TRAPPC10: variants seen among roughly 807,000 people sequenced by gnomAD.
The protein encoded by TRAPPC10 is TRAPP 130 kDa subunit.
TRAPPC10 carries 23 observed loss-of-function variants against 125.5 expected under a neutral mutation model. That is an observed-to-expected ratio of 0.18 (90% CI 0.13 to 0.26). TRAPPC10 has a LOEUF of 0.26. Ranked by LOEUF, TRAPPC10 falls within the 10% of genes least tolerant of loss-of-function variation. The probability of loss-of-function intolerance (pLI) is 1.00; values close to 1 mark genes in which losing one functional copy is unlikely to be tolerated. For missense variants in TRAPPC10, 1,123 were observed against 1,308.4 expected, an observed-to-expected ratio of 0.86 and a Z score of 2.19; for synonymous variants, 509 against 518.0, an observed-to-expected ratio of 0.98 and a Z score of 0.24.
chr21:44,035,788 A>T (rs1416269701), intron 2 of TRAPPC10, among the ~76,000 whole-genome samples: 1 of 152,216 alleles, frequency 6.6e-6, no homozygotes, highest in Non-Finnish European at 1.5e-5. Flanking sequence ...AAAAAATAAA[A>T]TGAAATAAAA....
chr21:44,023,741 A>C (rs1320041604), intron 1 of TRAPPC10, among the ~76,000 whole-genome samples: 1 of 152,222 alleles, frequency 6.6e-6, no homozygotes, highest in Non-Finnish European at 1.5e-5. Context: ...AGGCAGAGCT[A>C]GGAATAGCTA....
At chr21:44,054,606 A>G (rs966771792) in intron 4 of TRAPPC10, among the ~76,000 whole-genome samples, 4 of 152,266 alleles carry the variant, frequency 2.6e-5, no homozygotes, top group Non-Finnish European at 5.9e-5. Flanking sequence ...AGCCTATCAG[A>G]TAAATACGTT....
Position 44,037,882 on chromosome 21 carries a change from T to C in TRAPPC10, c.240T>C (p.Ala80=). The C allele has an allele frequency of 6.2e-7, 1 of 1,614,116 alleles. No homozygotes were observed. Among genetic ancestry groups the C allele is most frequent in the Non-Finnish European group, 8.5e-7 (1 of 1,180,032 alleles). Residue 80 remains alanine, a synonymous_variant, in exon 3 of 23, where the codon GCT becomes GCC. Coordinates refer to ENST00000291574, the MANE Select transcript of TRAPPC10 (RefSeq NM_003274.5). ...EELLPKEGNK[A]LLTFPFLHIY... is the part of the protein sequence containing the mutation. The stretch of plus-strand genomic sequence containing the variant: ...TGCTGCCCAAAGAAGGAAACAAAGC[T>C]CTGCTCACGTTTCCCTTCCTCCATA...
chr21:44,031,318 A>G (rs981237672), intron 1 of TRAPPC10, among the ~76,000 whole-genome samples: 1 of 152,210 alleles, frequency 6.6e-6, no homozygotes, highest in Non-Finnish European at 1.5e-5. Flanking sequence ...TTAGTCATCT[A>G]TATTAAAAGG....
intron 7 of TRAPPC10, among the ~76,000 whole-genome samples, chr21:44,068,533 G>T (rs1025765695): frequency 1.3e-5 from 2 of 152,188 alleles, no homozygotes; most frequent in Non-Finnish European, 2.9e-5. Context: ...GCAGAGAGAG[G>T]TGAAGAGTTT....
intron 12 of TRAPPC10, 55 bp downstream of exon 12, chr21:44,079,759 C>T: frequency 6.4e-7 from 1 of 1,557,650 alleles, no homozygotes; most frequent in Non-Finnish European, 8.7e-7. Context: ...TATACGGCAA[C>T]ATTGCCCACA....
At chr21:44,048,788 C>T (rs1394651085) in intron 3 of TRAPPC10, among the ~76,000 whole-genome samples, 1 of 150,882 alleles carries the variant, frequency 6.6e-6, no homozygotes, top group Non-Finnish European at 1.5e-5. Flanking sequence ...GCCACCATGC[C>T]CACCCTGTGT....
Position 44,063,930 on chromosome 21 carries a change from C to T in TRAPPC10, c.1038+145C>T. 1 of 1,199,388 alleles carries T rather than the reference C, an allele frequency of 8.3e-7. No homozygotes were observed. Among genetic ancestry groups the T allele is most frequent in the Non-Finnish European group, 1.1e-6 (1 of 871,052 alleles). The allele number at this position is 1,199,388 out of a possible 1,614,324, so 74.3% of individuals were successfully genotyped here. A position where few individuals can be genotyped will look rare whatever the true frequency, so the allele number is the denominator to read the frequency against. On this transcript the variant is annotated intron_variant, in intron 7 of 22. Coordinates refer to ENST00000291574, the MANE Select transcript of TRAPPC10 (RefSeq NM_003274.5). The surrounding 1 kb of genome is among the most constrained non-coding windows in gnomAD (Gnocchi z 4.4). ...CCTTTAATTTTCAGTATATTGTTTG[C>T]TTAGTTACTTTTTACGTTGATAAAT... is the stretch of plus-strand genomic sequence containing the variant.
intron 3 of TRAPPC10, 88 bp from the exon 4 acceptor site, chr21:44,052,192 C>G: frequency 8.7e-7 from 1 of 1,145,302 alleles, no homozygotes; most frequent in East Asian, 2.4e-5. Context: ...AACATTGCGG[C>G]CTTTGCAGGC....
chr21:44,046,969 G>T, intron 3 of TRAPPC10: 1 of 835,414 alleles, frequency 1.2e-6, no homozygotes, highest in Non-Finnish European at 2.0e-6. Context: ...GGAACTGCAA[G>T]CCGGCTCTGC....
intron 1 of TRAPPC10, among the ~76,000 whole-genome samples, chr21:44,026,464 G>C (rs1423177332): frequency 6.6e-6 from 1 of 152,136 alleles, no homozygotes; most frequent in African/African-American, 2.4e-5. Context: ...TTGAAAGCCC[G>C]TTTTACCAAA....
intron 7 of TRAPPC10, among the ~76,000 whole-genome samples, chr21:44,066,096 G>C (rs967757972): frequency 2.0e-5 from 3 of 152,192 alleles, no homozygotes; most frequent in African/African-American, 7.2e-5. Context: ...AGAGGCCAGG[G>C]GGTAGGTGTG....
At chr21:44,095,088 T>C (rs4819372) in intron 20 of TRAPPC10, among the ~76,000 whole-genome samples, 52,094 of 149,854 alleles carry the variant, frequency 0.35, 12,619 homozygotes, top group African/African-American at 0.69. Flanking sequence ...CTCACTCTGT[T>C]GCCCAGGCTG....
chr21:44,041,023 A>G (rs1200733852), intron 3 of TRAPPC10, among the ~76,000 whole-genome samples: 1 of 152,128 alleles, frequency 6.6e-6, no homozygotes, highest in African/African-American at 2.4e-5. Context: ...CTTGAATTTT[A>G]TTTAGGAGTT....
chr21:44,024,566 A>G (rs2032872740), intron 1 of TRAPPC10, among the ~76,000 whole-genome samples: 1 of 152,200 alleles, frequency 6.6e-6, no homozygotes, highest in African/African-American at 2.4e-5. Context: ...TCTTATTGGC[A>G]TTTGGATGTA....
At chr21:44,073,615 C>T (rs2037046245) in intron 7 of TRAPPC10, among the ~76,000 whole-genome samples, 1 of 152,134 alleles carries the variant, frequency 6.6e-6, no homozygotes, top group South Asian at 2.1e-4. Flanking sequence ...TGAACAGTTA[C>T]AGTAGGCGCG....
rs536147558 is a variant in TRAPPC10, at chr21:44,032,443, C to T, written c.149+271C>T. 2.2e-3 allele frequency among the ~76,000 whole-genome samples: 309 copies of T among 138,808 alleles called. 1 individual carries two copies. Among genetic ancestry groups the T allele is most frequent in the African/African-American group, 5.6e-3 (199 of 35,738 alleles). The allele number at this position is 138,808 out of a possible 152,430, so 91.1% of individuals were successfully genotyped here. A position where few individuals can be genotyped will look rare whatever the true frequency, so the allele number is the denominator to read the frequency against. On this transcript the variant is annotated intron_variant, in intron 2 of 22. Coordinates refer to ENST00000291574, the MANE Select transcript of TRAPPC10 (RefSeq NM_003274.5). ...TGTCGCCCAGGCTGGAGTGCAGTAG[C>T]GCAATCTCGGCTCACTGCAACCTCC...
At chr21:44,077,878 TTGTAGACTGAAAAG>T in intron 11 of TRAPPC10, 94 bp downstream of exon 11, 2 of 924,218 alleles carry the variant, frequency 2.2e-6, no homozygotes, top group Non-Finnish European at 3.2e-6. Flanking sequence ...GCACATAAAT[TTGTAGACTGAAAAG>T]TGTAGATTCT....
intron 2 of TRAPPC10, among the ~76,000 whole-genome samples, chr21:44,032,755 A>G (rs2033690690): frequency 6.6e-6 from 1 of 152,208 alleles, no homozygotes; most frequent in Non-Finnish European, 1.5e-5. Flanking sequence ...ACTCACTTTT[A>G]TAGGAATGAT....
Sources: allele counts gnomAD v4.1 joint callset (sites outside exome capture counted in the v4.1 genomes callset), GRCh38; gene constraint gnomAD v4.1.1; non-coding constraint Gnocchi (gnomAD v3.1); transcripts MANE v1.5; gene names NCBI Gene and HGNC (gene_info 2026-07-23, HGNC 2026-07-21).